PFKL: variants seen among roughly 807,000 people sequenced by gnomAD.
PFKL encodes the protein ATP-dependent 6-phosphofructokinase, liver type.
PFKL carries 74 observed loss-of-function variants against 92.1 expected under a neutral mutation model. The ratio of observed to expected loss-of-function variants is 0.80; its 90% CI spans 0.67 to 0.97. The LOEUF is 0.97. PFKL is among the 50% of genes least tolerant of loss of function. PFKL has a pLI of 0.00. For synonymous variants in PFKL, 494 were observed against 456.4 expected, an observed-to-expected ratio of 1.08 and a Z score of -1.05; for missense variants, 1,028 against 1,116.6, an observed-to-expected ratio of 0.92 and a Z score of 1.13.
intron 1 of PFKL, 98 bp downstream of exon 1, chr21:44,300,288 C>G: frequency 2.1e-6 from 1 of 466,292 alleles, no homozygotes; most frequent in Non-Finnish European, 2.9e-6. Flanking sequence ...ACCCGGGTCT[C>G]GGGCCGGCCC....
intron 5 of PFKL, 106 bp downstream of exon 5, chr21:44,313,249 G>C (rs890082729): frequency 7.7e-7 from 1 of 1,294,736 alleles, no homozygotes. Flanking sequence ...GACTCTGGTA[G>C]CCCCAGCATC....
rs529148263 is a variant in PFKL at position 44,313,079 on chromosome 21, G to C, written c.529G>C (p.Gly177Arg). The change falls in exon 5 of 22, where the codon GGC becomes CGC. Residue 177 changes from glycine to arginine, a missense_variant. Physicochemically the swap from Gly to Arg is moderately radical, Grantham distance 125. Transcript: ENST00000349048. Reference protein sequence around the residue: ...NDFCGTDMTIGTDSALHRIME... With the variant: ...NDFCGTDMTIRTDSALHRIME... ...CTTCTGCGGCACCGACATGACCATC[G>C]GCACGGACTCGGCCCTCCACCGCAT... 4 of 1,613,010 alleles carry C rather than the reference G, an allele frequency of 2.5e-6. No individual in the cohort carries two copies. The highest frequency in any genetic ancestry group is 3.4e-6 in the Non-Finnish European group (4 of 1,179,940).
At chr21:44,312,432 G>C in intron 4 of PFKL, 138 bp downstream of exon 4, 1 of 751,120 alleles carries the variant, frequency 1.3e-6, no homozygotes, top group Non-Finnish European at 2.0e-6. Context: ...GCCGTTGGCC[G>C]GGGAGGAGTA....
intron 6 of PFKL, 102 bp downstream of exon 6, chr21:44,313,784 T>G (rs2146465554): frequency 7.3e-7 from 1 of 1,366,304 alleles, no homozygotes; most frequent in East Asian, 2.5e-5. Context: ...ATGCCATGGG[T>G]GTGAGAGAGC....
At chr21:44,311,209 C>T in intron 3 of PFKL, 126 bp downstream of exon 3, 1 of 684,654 alleles carries the variant, frequency 1.5e-6, no homozygotes, top group Non-Finnish European at 2.5e-6. Flanking sequence ...TGCAGACACA[C>T]AGACATGCAC....
chr21:44,306,135 G>A (rs1474367333), intron 1 of PFKL, among the ~76,000 whole-genome samples: 4 of 66,840 alleles, frequency 6.0e-5, no homozygotes, highest in African/African-American at 1.3e-4. Flanking sequence ...GGGTGGGGCC[G>A]GTGTGGGAGG....
Position 44,326,843 on chromosome 21 carries a change from G to A in PFKL, c.2324G>A (p.Ser775Asn). 6.2e-7 allele frequency: 1 copy of A among 1,609,930 alleles called. No individual in the cohort carries two copies. Among genetic ancestry groups the A allele is most frequent in the Non-Finnish European group, 8.5e-7 (1 of 1,178,768 alleles). ...ELEHVTRRTL[S>N]MDKGF is the part of the protein sequence containing the mutation. ...GAGCACGTGACCCGCCGCACCCTGA[G>A]CATGGACAAGGGCTTCTGAGGCCAG... The change falls in exon 22 of 22, where the codon AGC becomes AAC. Residue 775 changes from serine to asparagine, a missense_variant. By Grantham distance (46) the Ser-to-Asn change is conservative. Coordinates refer to ENST00000349048, the MANE Select transcript of PFKL (RefSeq NM_002626.6).
chr21:44,324,790 T>A, intron 17 of PFKL, 66 bp from the exon 18 acceptor site: 1 of 1,587,008 alleles, frequency 6.3e-7, no homozygotes, highest in Non-Finnish European at 8.6e-7. Flanking sequence ...TGGCCCCGGA[T>A]CGCCGGTCAG....
chr21:44,305,492 CAG>C, intron 1 of PFKL: 13 of 1,233,010 alleles, frequency 1.1e-5, no homozygotes, highest in Non-Finnish European at 1.4e-5. Flanking sequence ...GGCTTGGGGA[CAG>C]AGGACCCGCA....
intron 7 of PFKL, 111 bp downstream of exon 7, chr21:44,314,132 C>A: frequency 1.4e-6 from 1 of 736,526 alleles, no homozygotes; most frequent in Non-Finnish European, 2.3e-6. Context: ...ATGGGTTCAT[C>A]AGCAGCTGCA....
At position 44,315,720 on chromosome 21, in the gene PFKL, T is replaced by C. The variant is rs186561019; in HGVS notation, c.748-524T>C. The stretch of plus-strand genomic sequence containing the variant: ...GGATGGTGTGTCCTATGTGCACCAG[T>C]GTGGACCCACAGTGGCTTCAGGGTG... On this transcript the variant is annotated intron_variant, in intron 7 of 21. Transcript: ENST00000349048. 5 of 187,686 alleles carry C rather than the reference T, an allele frequency of 2.7e-5. No homozygotes were observed. The South Asian group carries it at 3.2e-4, about 12-fold the overall frequency. The allele number at this position is 187,686 out of a possible 1,614,324, so 11.6% of individuals were successfully genotyped here. A position where few individuals can be genotyped will look rare whatever the true frequency, so the allele number is the denominator to read the frequency against.
At position 44,323,037 on chromosome 21, in the gene PFKL, C is replaced by A; in HGVS notation, c.1485C>A (p.Val495=). Residue 495 remains valine (V), a synonymous_variant, in exon 15 of 22, where the codon GTC becomes GTA. Coordinates refer to ENST00000349048, the MANE Select transcript of PFKL (RefSeq NM_002626.6). ...ATGGTATTCACGCCCTGCTGGTGGT[C>A]GGTGGGTTTGAGGTGAGAGCTGCCC... is the stretch of plus-strand genomic sequence containing the variant. ...RIYGIHALLV[V]GGFEAYEGVL... 2 of 1,612,864 alleles carry A rather than the reference C, an allele frequency of 1.2e-6. No individual in the cohort carries two copies. The highest frequency in any genetic ancestry group is 1.1e-5 in the South Asian group (1 of 91,008).
At chr21:44,306,884 T>C in intron 2 of PFKL, 130 bp downstream of exon 2, 1 of 788,090 alleles carries the variant, frequency 1.3e-6, no homozygotes, top group South Asian at 1.6e-5. Flanking sequence ...GGGTATGTGG[T>C]CTTGGGGAGT....
chr21:44,316,649 CGTGTCT>C, intron 9 of PFKL, 125 bp downstream of exon 9: 1 of 702,582 alleles, frequency 1.4e-6, no homozygotes. Context: ...GGTGAGTGTC[CGTGTCT>C]GTGTGTGGGG....
intron 3 of PFKL, 46 bp downstream of exon 3, chr21:44,311,129 C>T (rs2047028459): frequency 6.8e-7 from 1 of 1,470,008 alleles, no homozygotes. Context: ...GACTCGCAGA[C>T]AGACACACAG....
chr21:44,317,328 G>A (rs2047234820), intron 9 of PFKL, among the ~76,000 whole-genome samples: 1 of 152,118 alleles, frequency 6.6e-6, no homozygotes, highest in Non-Finnish European at 1.5e-5. Context: ...GCATTCCCAG[G>A]GAACCCACAC....
At position 44,303,885 on chromosome 21, in the gene PFKL, C is replaced by G. The variant is rs1185573076; in HGVS notation, c.86-2796C>G. Among the ~76,000 whole-genome samples the G allele has an allele frequency of 9.9e-5, 15 of 152,146 alleles. 1 individual carries two copies. The highest frequency in any genetic ancestry group is 8.5e-4 in the Admixed American group (13 of 15,278). On this transcript the variant is annotated intron_variant, in intron 1 of 21. Coordinates refer to ENST00000349048, the MANE Select transcript of PFKL (RefSeq NM_002626.6). ...GCAGGCCCACTGTCCTGCCTGCCCT[C>G]TGACTGCGGTGTCGGCGACTGCTGC... is the stretch of plus-strand genomic sequence containing the variant.
chr21:44,306,766 G>T lies in PFKL; in HGVS notation c.159+12G>T. 6.2e-7 allele frequency: 1 copy of T among 1,612,350 alleles called. No homozygotes were observed. Among genetic ancestry groups the T allele is most frequent in the South Asian group, 1.1e-5 (1 of 90,920 alleles). On this transcript the variant is annotated intron_variant, in intron 2 of 21. Coordinates refer to ENST00000349048, the MANE Select transcript of PFKL (RefSeq NM_002626.6). ...TCCTCATCTACGAGGTAAGGCCAAGGTGGGCTGTGTGTGTGCAGGGAGTGG... is the reference window on the plus strand; with the variant it reads ...TCCTCATCTACGAGGTAAGGCCAAGTTGGGCTGTGTGTGTGCAGGGAGTGG...
At position 44,318,612 on chromosome 21, in the gene PFKL, C is replaced by T. The variant is rs1217408617; in HGVS notation, c.1062+17C>T. 6.9e-7 allele frequency: 1 copy of T among 1,456,710 alleles called. No individual in the cohort carries two copies. Among genetic ancestry groups the T allele is most frequent in the South Asian group, 1.4e-5 (1 of 70,748 alleles). The allele number at this position is 1,456,710 out of a possible 1,614,324, so 90.2% of individuals were successfully genotyped here. A position where few individuals can be genotyped will look rare whatever the true frequency, so the allele number is the denominator to read the frequency against. ...GTGCAGATGGTAAGCCCTGGGCCCC[C>T]CCCATCAGAACCGCCTGGCCCCTCT... On this transcript the variant is annotated intron_variant, in intron 10 of 21. Transcript: ENST00000349048.
Sources: gnomAD v4.1 joint callset for allele counts (sites outside exome capture counted in the v4.1 genomes callset) on GRCh38, gnomAD v4.1.1 for gene constraint, MANE v1.5 for transcripts, NCBI Gene and HGNC (gene_info 2026-07-23, HGNC 2026-07-21) for gene names.